The following FAT3 variants were observed in gnomAD, a reference collection of about 807,000 sequenced individuals.
FAT3 encodes the protein FAT atypical cadherin 3, also known as protocadherin Fat 3.
Under a neutral mutation model 310.2 loss-of-function variants are expected in FAT3, and 95 were observed. The observed-to-expected ratio is 0.31, with a 90% CI of 0.26 to 0.36. The LOEUF (loss-of-function observed/expected upper bound fraction) is 0.36, where lower values mean the gene tolerates loss of function less well. Among genes scored for constraint, FAT3 ranks in the 10% least tolerant of loss-of-function variants. FAT3 has a pLI of 1.00. For synonymous variants in FAT3, 2,314 were observed against 2,192.9 expected (o/e 1.06, Z -1.54); for missense variants, 5,408 against 5,715.6 (o/e 0.95, Z 1.74).
chr11:92,291,080 TACACACAC>T (rs141883138), intron 1 of FAT3, among the ~76,000 whole-genome samples: 13 of 142,794 alleles, frequency 9.1e-5, no homozygotes, highest in Admixed American at 3.5e-4. Context: ...CTTTTTATTC[TACACACAC>T]ACACACACAC....
intron 1 of FAT3, among the ~76,000 whole-genome samples, chr11:92,234,021 T>TCA (rs1864305996): frequency 6.6e-6 from 1 of 152,234 alleles, no homozygotes; most frequent in South Asian, 2.1e-4. Context: ...TTCATACAGC[T>TCA]CATCAGTGGT....
At chr11:92,404,949 G>A (rs577756414) in intron 2 of FAT3, among the ~76,000 whole-genome samples, 13 of 151,932 alleles carry the variant, frequency 8.6e-5, no homozygotes, top group African/African-American at 1.2e-4. Flanking sequence ...GGCTTCCCTC[G>A]TTTGCAGACC....
intron 2 of FAT3, among the ~76,000 whole-genome samples, chr11:92,499,860 G>A (rs796484520): frequency 8.5e-5 from 13 of 152,078 alleles, no homozygotes; most frequent in African/African-American, 3.1e-4. Context: ...TCAGGAAAGT[G>A]ATAGAATAGA....
At chr11:92,652,289 C>T (rs1012075823) in intron 3 of FAT3, among the ~76,000 whole-genome samples, 10 of 152,182 alleles carry the variant, frequency 6.6e-5, no homozygotes, top group Non-Finnish European at 1.3e-4. Flanking sequence ...AAAAGACCTC[C>T]ATTCTCATTG....
At chr11:92,351,519 A>G (rs1205823897) in intron 1 of FAT3, among the ~76,000 whole-genome samples, 1 of 152,190 alleles carries the variant, frequency 6.6e-6, no homozygotes, top group African/African-American at 2.4e-5. Flanking sequence ...ATACTGTTTG[A>G]TGACCTTTTT....
At chr11:92,350,409 G>A (rs1470619601) in intron 1 of FAT3, among the ~76,000 whole-genome samples, 17 of 151,354 alleles carry the variant, frequency 1.1e-4, no homozygotes, top group African/African-American at 4.1e-4. Context: ...AAACCAGAGA[G>A]GAGATAACCA....
rs78995471 is a variant in FAT3 at position 92,286,290 on chromosome 11, C to T, written c.-18+61116C>T. ...CTATCGACCTCTAGGCAATCACTGCCAGTGATAGGATCAGTCCAGGGTTTT... is the reference window on the plus strand; with the variant it reads ...CTATCGACCTCTAGGCAATCACTGCTAGTGATAGGATCAGTCCAGGGTTTT... On this transcript the variant is annotated intron_variant, in intron 1 of 27. Transcript: ENST00000525166. 6.5e-3 allele frequency among the ~76,000 whole-genome samples: 996 copies of T among 152,208 alleles called. 17 individuals are homozygous for T. Among genetic ancestry groups the T allele is most frequent in the African/African-American group, 0.021 (888 of 41,532 alleles).
chr11:92,400,967 G>A lies in FAT3; in HGVS notation c.3292+45563G>A, dbSNP rs1315096206. 2.0e-5 allele frequency among the ~76,000 whole-genome samples: 3 copies of A among 152,006 alleles called. No individual in the cohort carries two copies. In the East Asian group the frequency reaches 5.8e-4, roughly 29 times the overall value. On this transcript the variant is annotated intron_variant, in intron 2 of 27. Transcript: ENST00000525166. ...ATATAGATTATTAAACTTGACCTAA[G>A]AACAAATAGAAAATCTGAAAAGATT...
Position 92,883,097 on chromosome 11 carries a change from G to A in FAT3, c.12641G>A (p.Gly4214Asp), listed in dbSNP as rs1378994439. The change falls in exon 24 of 28, where the codon GGC becomes GAC. Residue 4214 changes from glycine (G) to aspartate (D), a missense_variant. Physicochemically the swap from Gly to Asp is moderately conservative, Grantham distance 94. Around this residue, in one of 5 missense-constraint regions of FAT3, gnomAD observed 649 missense variants for 666.2 expected, o/e 0.97. Coordinates refer to ENST00000525166, the MANE Select transcript of FAT3 (RefSeq NM_001367949.2). The surrounding 1 kb of genome is among the most constrained non-coding windows in gnomAD (Gnocchi z 4.2). ...SNGIPFRNLR[G>D]SGDGRNVYQE... ...GGCATCCCGTTCCGGAACCTGCGCG[G>A]CAGTGGGGACGGCCGCAACGTCTAC... 6.2e-7 allele frequency: 1 copy of A among 1,613,842 alleles called. No individual in the cohort carries two copies. The highest frequency in any genetic ancestry group is 2.2e-5 in the East Asian group (1 of 44,874).
intron 2 of FAT3, among the ~76,000 whole-genome samples, chr11:92,445,596 G>A (rs1042538147): frequency 9.2e-5 from 14 of 152,112 alleles, no homozygotes; most frequent in African/African-American, 2.9e-4. Flanking sequence ...CTATGTTTAA[G>A]ACAACCTATG....
intron 2 of FAT3, among the ~76,000 whole-genome samples, chr11:92,423,863 G>GTT (rs1950578140): frequency 6.6e-6 from 1 of 152,060 alleles, no homozygotes; most frequent in Non-Finnish European, 1.5e-5. Flanking sequence ...AGGCCCACCT[G>GTT]CATTTTGAAA....
chr11:92,260,828 C>A (rs904266503), intron 1 of FAT3, among the ~76,000 whole-genome samples: 10 of 151,978 alleles, frequency 6.6e-5, no homozygotes, highest in East Asian at 3.9e-4. Context: ...TCCTTTAATA[C>A]AAGAGTCGAG....
intron 1 of FAT3, among the ~76,000 whole-genome samples, chr11:92,337,970 T>A (rs894347151): frequency 3.3e-5 from 5 of 152,082 alleles, no homozygotes; most frequent in African/African-American, 9.7e-5. Context: ...GATTTTTTTT[T>A]AAAAAACGAG....
Position 92,354,515 on chromosome 11 carries a change from C to T in FAT3, c.2403C>T (p.Ile801=), listed in dbSNP as rs1948674672. Residue 801 remains isoleucine (I), a synonymous_variant, in exon 2 of 28, where the codon ATC becomes ATT. Transcript: ENST00000525166. The stretch of plus-strand genomic sequence containing the variant: ...ACACAGACCTCTATCTCCTTAATAT[C>T]ACCATCTATGACTTAGGTAATCCAC... The part of the protein sequence containing the change: ...REHTDLYLLN[I]TIYDLGNPQK... 14 of 1,613,714 alleles carry T rather than the reference C, an allele frequency of 8.7e-6. No individual in the cohort carries two copies. Among genetic ancestry groups the T allele is most frequent in the Non-Finnish European group, 1.2e-5 (14 of 1,179,872 alleles).
chr11:92,466,441 A>C (rs1175117125), intron 2 of FAT3, among the ~76,000 whole-genome samples: 1 of 152,054 alleles, frequency 6.6e-6, no homozygotes, highest in East Asian at 1.9e-4. Flanking sequence ...TTAGAGTTTT[A>C]TGTCTTGTTT....
intron 10 of FAT3, among the ~76,000 whole-genome samples, chr11:92,802,539 C>T (rs755825776): frequency 2.0e-5 from 3 of 152,130 alleles, no homozygotes; most frequent in Non-Finnish European, 2.9e-5. Flanking sequence ...ATTAGGAAGG[C>T]ACAGAAAATG....
chr11:92,685,538 G>A (rs370530586), intron 3 of FAT3, among the ~76,000 whole-genome samples: 36 of 151,412 alleles, frequency 2.4e-4, no homozygotes, highest in East Asian at 1.7e-3. Context: ...GTGTGCACAC[G>A]CGTACATACA....
intron 5 of FAT3, among the ~76,000 whole-genome samples, chr11:92,762,987 G>A (rs191081565): frequency 4.6e-5 from 7 of 152,002 alleles, no homozygotes; most frequent in Non-Finnish European, 7.4e-5. Context: ...GTAAAACCCC[G>A]TCTCTACCAA....
intron 4 of FAT3, among the ~76,000 whole-genome samples, chr11:92,704,200 A>G (rs181300359): frequency 6.6e-6 from 1 of 152,178 alleles, no homozygotes; most frequent in Non-Finnish European, 1.5e-5. Flanking sequence ...GTTTTCTCTC[A>G]TACTCTGGTT....
Sources: gnomAD v4.1 joint callset for allele counts (sites outside exome capture counted in the v4.1 genomes callset) on GRCh38, gnomAD v4.1.1 for gene constraint, gnomAD v4.1.1 regional missense constraint, Gnocchi (gnomAD v3.1) non-coding constraint, MANE v1.5 for transcripts, NCBI Gene and HGNC (gene_info 2026-07-23, HGNC 2026-07-21) for gene names.